The following PKN2 variants were observed in gnomAD, a reference collection of about 807,000 sequenced individuals.
PKN2 encodes the protein protein kinase N2, also known as serine/threonine-protein kinase N2.
In PKN2, 38 loss-of-function variants were observed where a neutral mutation model predicts 119.1. That is an observed-to-expected ratio of 0.32 (90% CI 0.25 to 0.42). The LOEUF is 0.42. Ranked by LOEUF, PKN2 falls within the 10% of genes least tolerant of loss-of-function variation. The pLI, the probability that PKN2 is intolerant of heterozygous loss-of-function variation, is 1.00. For missense variants in PKN2, 850 were observed against 1,165.1 expected, an observed-to-expected ratio of 0.73 and a Z score of 3.94; for synonymous variants, 390 against 384.9, an observed-to-expected ratio of 1.01 and a Z score of -0.15.
intron 1 of PKN2, among the ~76,000 whole-genome samples, chr1:88,714,790 C>T (rs1667378653): frequency 6.6e-6 from 1 of 152,114 alleles, no homozygotes; most frequent in Non-Finnish European, 1.5e-5. Context: ...ATTGCCCTGG[C>T]CAGAACTTCC....
chr1:88,714,456 G>A (rs1030756807), intron 1 of PKN2, among the ~76,000 whole-genome samples: 3 of 151,954 alleles, frequency 2.0e-5, no homozygotes, highest in Admixed American at 6.6e-5. Flanking sequence ...CTTTTATTTT[G>A]TTGAGCAGTG....
At chr1:88,735,538 C>G (rs978629898) in intron 1 of PKN2, among the ~76,000 whole-genome samples, 6 of 142,970 alleles carry the variant, frequency 4.2e-5, no homozygotes, top group African/African-American at 1.5e-4. Flanking sequence ...CTGGCAAAGT[C>G]TTTATCTCTG....
At chr1:88,742,137 TA>T (rs1406341776) in intron 2 of PKN2, among the ~76,000 whole-genome samples, 1 of 152,092 alleles carries the variant, frequency 6.6e-6, no homozygotes, top group Non-Finnish European at 1.5e-5. Flanking sequence ...TCAATCTCTG[TA>T]ACTGTCAATT....
chr1:88,816,041 G>A (rs1671975315), intron 16 of PKN2, among the ~76,000 whole-genome samples: 1 of 151,866 alleles, frequency 6.6e-6, no homozygotes, highest in South Asian at 2.1e-4. Flanking sequence ...TTGGGAAGCT[G>A]AGGCAGGAGA....
chr1:88,708,611 A>G (rs1338061426), intron 1 of PKN2, among the ~76,000 whole-genome samples: 3 of 150,698 alleles, frequency 2.0e-5, no homozygotes, highest in Non-Finnish European at 2.9e-5. Context: ...CTTCAAACAC[A>G]TAAAACTTTT....
chr1:88,729,657 C>T (rs77126615), intron 1 of PKN2, among the ~76,000 whole-genome samples: 2,821 of 152,298 alleles, frequency 0.019, 31 homozygotes, highest in Non-Finnish European at 0.028. Context: ...GAAGCCTGTA[C>T]TTGGAACTCC....
intron 1 of PKN2, among the ~76,000 whole-genome samples, chr1:88,689,459 C>T (rs1186285886): frequency 6.6e-6 from 1 of 152,074 alleles, no homozygotes; most frequent in Non-Finnish European, 1.5e-5. Context: ...ATCTAATTAG[C>T]TTTTATTGCC....
chr1:88,758,743 G>GGT (rs555677535), intron 2 of PKN2, among the ~76,000 whole-genome samples: 72 of 151,364 alleles, frequency 4.8e-4, no homozygotes, highest in Middle Eastern at 6.9e-3. Context: ...AATATTCCAT[G>GGT]GTGTGTGTGT....
intron 1 of PKN2, among the ~76,000 whole-genome samples, chr1:88,736,078 A>G (rs563228273): frequency 2.0e-5 from 3 of 152,062 alleles, no homozygotes; most frequent in Non-Finnish European, 4.4e-5. Flanking sequence ...GCTTGTCTTC[A>G]AGCTCAGATT....
chr1:88,711,655 T>G (rs550885690), intron 1 of PKN2, among the ~76,000 whole-genome samples: 1 of 152,266 alleles, frequency 6.6e-6, no homozygotes, highest in East Asian at 1.9e-4. Context: ...ATAAAATGTA[T>G]ATGTATTTGG....
Position 88,807,608 on chromosome 1 carries a change from A to G in PKN2, c.2010+4A>G. The G allele has an allele frequency of 6.2e-7, 1 of 1,604,818 alleles. No individual in the cohort carries two copies. The highest frequency in any genetic ancestry group is 8.5e-7 in the Non-Finnish European group (1 of 1,173,826). On this transcript the variant is annotated splice_donor_region_variant and intron_variant, in intron 14 of 21. Coordinates refer to ENST00000370521, the MANE Select transcript of PKN2 (RefSeq NM_006256.4). ...GGGAAGAGGACATTTTGGAAAGGTA[A>G]TCTTTTTGGAATTTTTTGGAATATC... is the stretch of plus-strand genomic sequence containing the variant.
intron 19 of PKN2, 97 bp from the exon 20 acceptor site, chr1:88,832,647 C>G: frequency 1.6e-6 from 1 of 630,894 alleles, no homozygotes. Context: ...TCTGTTTTTT[C>G]TTTTTCACTG....
At chr1:88,728,843 T>C (rs1570542605) in intron 1 of PKN2, among the ~76,000 whole-genome samples, 1 of 151,568 alleles carries the variant, frequency 6.6e-6, no homozygotes, top group Non-Finnish European at 1.5e-5. Context: ...CATGTCTTTT[T>C]CCCCCCACAA....
At chr1:88,745,864 A>T (rs578077189) in intron 2 of PKN2, among the ~76,000 whole-genome samples, 4 of 152,178 alleles carry the variant, frequency 2.6e-5, no homozygotes, top group Non-Finnish European at 5.9e-5. Context: ...CAGCATCATA[A>T]TGACATAAAA....
chr1:88,765,257 C>G (rs1669618389), intron 3 of PKN2, among the ~76,000 whole-genome samples: 1 of 146,800 alleles, frequency 6.8e-6, no homozygotes, highest in Non-Finnish European at 1.5e-5. Context: ...ATCACTTGAA[C>G]CCAGGAGTTT....
intron 1 of PKN2, among the ~76,000 whole-genome samples, chr1:88,704,264 C>T (rs556833428): frequency 7.1e-4 from 108 of 152,142 alleles, no homozygotes; most frequent in Non-Finnish European, 1.3e-3. Context: ...GGGGGCATGG[C>T]ATCTTTCACT....
At chr1:88,812,812 T>C (rs146328249) in intron 15 of PKN2, among the ~76,000 whole-genome samples, 9 of 152,308 alleles carry the variant, frequency 5.9e-5, no homozygotes, top group African/African-American at 2.2e-4. Flanking sequence ...CTTTGTTTTG[T>C]CTTATTTCAT....
intron 6 of PKN2, among the ~76,000 whole-genome samples, chr1:88,778,969 C>T (rs891737435): frequency 1.3e-4 from 20 of 152,118 alleles, no homozygotes; most frequent in Admixed American, 3.3e-4. Context: ...GTGATCCGCC[C>T]GCCTTGGTCT....
intron 17 of PKN2, among the ~76,000 whole-genome samples, 159 bp downstream of exon 17, chr1:88,822,162 T>C (rs1354993843): frequency 1.3e-5 from 2 of 152,230 alleles, no homozygotes; most frequent in African/African-American, 2.4e-5. Flanking sequence ...TGGTTAGCAC[T>C]ATGATTATAT....
Sources: allele counts gnomAD v4.1 joint callset (sites outside exome capture counted in the v4.1 genomes callset), GRCh38; gene constraint gnomAD v4.1.1; transcripts MANE v1.5; gene names NCBI Gene and HGNC (gene_info 2026-07-23, HGNC 2026-07-21).